The following KIF17 variants were observed in gnomAD, a reference collection of about 807,000 sequenced individuals.
KIF17 encodes kinesin family member 17.
Under a neutral mutation model 96.8 loss-of-function variants are expected in KIF17, and 80 were observed. That is an observed-to-expected ratio of 0.83 (90% CI 0.69 to 1.00). KIF17 has a LOEUF of 1.00. Ranked by LOEUF, KIF17 falls within the 50% of genes least tolerant of loss-of-function variation. The pLI is 0.00. For missense variants in KIF17, 1,280 were observed against 1,372.9 expected (o/e 0.93, Z 1.07); for synonymous variants, 567 against 587.5 (o/e 0.97, Z 0.51).
In KIF17 at chr1:20,684,867, C is replaced by A; in HGVS notation, c.2173G>T (p.Val725Leu). 2 of 1,598,198 alleles carry A rather than the reference C, an allele frequency of 1.3e-6. No homozygotes were observed. Among genetic ancestry groups the A allele is most frequent in the Non-Finnish European group, 1.7e-6 (2 of 1,172,570 alleles). ...GVKRESVGME[V>L]AVLTDDPLPV... The stretch of plus-strand genomic sequence containing the variant: ...AGCGGGTCATCAGTCAGCACTGCCA[C>A]CTCCATGCCCACGCTCTCCCTCTTC... Residue 725 changes from valine to leucine, a missense_variant, in exon 10 of 15, where the codon GTG becomes TTG. Physicochemically the swap from Val to Leu is conservative, Grantham distance 32. Transcript: ENST00000400463.
At chr1:20,684,003 G>A (rs750045468) in intron 10 of KIF17, among the ~76,000 whole-genome samples, 23 of 152,354 alleles carry the variant, frequency 1.5e-4, no homozygotes, top group Middle Eastern at 3.4e-3. Flanking sequence ...GGGCTGCCAC[G>A]CTGCAGGCAA....
Position 20,709,828 on chromosome 1 carries a change from G to C in KIF17, c.481C>G (p.Leu161Val), listed in dbSNP as rs1174242812. Reference protein sequence around the residue: ...LGADTKQKLELKEHPEKGVYV... With the variant: ...LGADTKQKLEVKEHPEKGVYV... ...ACGCCCTTCTCTGGGTGCTCCTTCAGCTGAGGGAGGAGGAACAGTCAGGGG... is the reference window on the plus strand; with the variant it reads ...ACGCCCTTCTCTGGGTGCTCCTTCACCTGAGGGAGGAGGAACAGTCAGGGG... Residue 161 changes from leucine (L) to valine (V), a missense_variant and splice_region_variant, in exon 4 of 15, where the codon CTG becomes GTG. By Grantham distance (32) the Leu-to-Val change is conservative. Transcript: ENST00000400463. The surrounding 1 kb of genome is among the most constrained non-coding windows in gnomAD (Gnocchi z 4.7). 1 of 1,604,932 alleles carries C rather than the reference G, an allele frequency of 6.2e-7. No homozygotes were observed. The highest frequency in any genetic ancestry group is 8.5e-7 in the Non-Finnish European group (1 of 1,175,730).
chr1:20,691,797 A>G (rs1018861372), intron 6 of KIF17, among the ~76,000 whole-genome samples: 3 of 152,154 alleles, frequency 2.0e-5, no homozygotes, highest in Non-Finnish European at 4.4e-5. Context: ...ACAGACGAAT[A>G]ATATATGCAT....
At chr1:20,707,095 C>T (rs1032340447) in intron 4 of KIF17, among the ~76,000 whole-genome samples, 1 of 151,944 alleles carries the variant, frequency 6.6e-6, no homozygotes, top group Non-Finnish European at 1.5e-5. Context: ...GACTCTGCCT[C>T]TCAAAAAAGG....
chr1:20,704,773 G>C lies in KIF17; in HGVS notation c.797C>G (p.Ser266Trp). The change falls in exon 5 of 15, where the codon TCG becomes TGG. Residue 266 changes from serine to tryptophan, a missense_variant. Physicochemically the swap from Ser to Trp is radical, Grantham distance 177. Transcript: ENST00000400463. This position sits in a 1 kb window ranked among gnomAD's most constrained non-coding sequence, Gnocchi z 6.8. Reference protein sequence around the residue: ...RLKEATKINLSLSALGNVISA... With the variant: ...RLKEATKINLWLSALGNVISA... Reference sequence around the variant, plus strand: ...GATGACATTGCCCAGTGCCGAGAGCGACAGGTTGATCTTGGTGGCCTCCTT... The same window carrying C: ...GATGACATTGCCCAGTGCCGAGAGCCACAGGTTGATCTTGGTGGCCTCCTT... 1.2e-6 allele frequency: 2 copies of C among 1,611,576 alleles called. No individual in the cohort carries two copies. The highest frequency in any genetic ancestry group is 1.7e-6 in the Non-Finnish European group (2 of 1,179,460).
At chr1:20,670,682 G>T (rs1313260329) in intron 12 of KIF17, among the ~76,000 whole-genome samples, 194 bp from the exon 13 acceptor site, 2 of 152,162 alleles carry the variant, frequency 1.3e-5, no homozygotes. Context: ...TCATCTGCTT[G>T]CAGGCAAGAC....
At chr1:20,692,760 GT>G (rs1215361960) in intron 6 of KIF17, 1 of 148,056 alleles carries the variant, frequency 6.8e-6, no homozygotes, top group Non-Finnish European at 1.5e-5. Flanking sequence ...TCCTGGGATG[GT>G]TTGTGGGACT....
At position 20,690,352 on chromosome 1, in the gene KIF17, G is replaced by GGCGCCC; in HGVS notation, c.1234-18_1234-17insGGGCGC. ...TTCATACTCCTGGGGGGGTGGGAGG[G>GGCGCCC]ACCAGAGGGCAGGCAGCATTTTATC... On this transcript the variant is annotated splice_polypyrimidine_tract_variant and intron_variant, in intron 6 of 14. Coordinates refer to ENST00000400463, the MANE Select transcript of KIF17 (RefSeq NM_001122819.3). 2.2e-6 allele frequency: 1 copy of GGCGCCC among 451,170 alleles called. No individual in the cohort carries two copies. Among genetic ancestry groups the GGCGCCC allele is most frequent in the South Asian group, 1.7e-5 (1 of 57,280 alleles). 27.9% of individuals were successfully genotyped at this position (451,170 alleles called of 1,614,324 possible).
chr1:20,703,098 T>C (rs951515030), intron 5 of KIF17, among the ~76,000 whole-genome samples: 5 of 151,574 alleles, frequency 3.3e-5, no homozygotes, highest in African/African-American at 4.8e-5. Context: ...GTGATTAGAA[T>C]GGGTGAATGG....
intron 11 of KIF17, among the ~76,000 whole-genome samples, chr1:20,678,026 C>T (rs2053768343): frequency 6.6e-6 from 1 of 152,132 alleles, no homozygotes; most frequent in Non-Finnish European, 1.5e-5. Context: ...TCTGTTTTTA[C>T]AATGCTCATA....
chr1:20,690,322 C>A lies in KIF17; in HGVS notation c.1247G>T (p.Arg416Leu), dbSNP rs148294907. 1 of 1,334,056 alleles carries A rather than the reference C, an allele frequency of 7.5e-7. No individual in the cohort carries two copies. The highest frequency in any genetic ancestry group is 2.1e-4 in the Middle Eastern group (1 of 4,714). The allele number at this position is 1,334,056 out of a possible 1,614,324, so 82.6% of individuals were successfully genotyped here. Residue 416 changes from arginine (R) to leucine (L), a missense_variant, in exon 7 of 15, where the codon CGC (arginine) becomes CTC (leucine). Physicochemically the swap from Arg to Leu is moderately radical, Grantham distance 102. Transcript: ENST00000400463. Reference sequence around the variant, plus strand: ...ATAGTCGGCTTTCAGCCGGGCCAGGCGCTCTTCATACTCCTGGGGGGGTGG... The same window carrying A: ...ATAGTCGGCTTTCAGCCGGGCCAGGAGCTCTTCATACTCCTGGGGGGGTGG... ...KQLIREEYEERLARLKADYKA... is the reference protein window; with the variant it reads ...KQLIREEYEELLARLKADYKA...
In KIF17 at chr1:20,672,302, A is replaced by G. The variant is rs367862158; in HGVS notation, c.2464-106T>C. 22 of 1,425,322 alleles carry G rather than the reference A, an allele frequency of 1.5e-5. No individual in the cohort carries two copies. The highest frequency in any genetic ancestry group is 7.3e-5 in the East Asian group (3 of 41,038). 88.3% of individuals were successfully genotyped at this position (1,425,322 alleles called of 1,614,324 possible). On this transcript the variant is annotated intron_variant, in intron 11 of 14. Transcript: ENST00000400463. This position sits in a 1 kb window ranked among gnomAD's most constrained non-coding sequence, Gnocchi z 4.3. ...GCCAGCAGCCACGCATCGTCTGTTC[A>G]TTGGCCTGATCAGCCATCCATTCTC...
At chr1:20,686,432 C>T (rs2053939742) in intron 8 of KIF17, 1 of 507,040 alleles carries the variant, frequency 2.0e-6, no homozygotes, top group African/African-American at 1.9e-5. Flanking sequence ...AAAGGTCACA[C>T]AACCAAGGAA....
In KIF17 at chr1:20,684,941, G is replaced by A. The variant is rs541953044; in HGVS notation, c.2099C>T (p.Pro700Leu). 203 of 1,602,248 alleles carry A rather than the reference G, an allele frequency of 1.3e-4. No individual in the cohort carries two copies. Among genetic ancestry groups the A allele is most frequent in the Non-Finnish European group, 1.5e-4 (182 of 1,174,912 alleles). The change falls in exon 10 of 15, where the codon CCG (proline) becomes CTG (leucine). Residue 700 changes from proline (P) to leucine (L), a missense_variant. Coordinates refer to ENST00000400463, the MANE Select transcript of KIF17 (RefSeq NM_001122819.3). ...CTCAGGCTGAGCCACCAGGGCCACC[G>A]GGGCCTGAGCCTCCAACCACACGCC... ...EPGVWLEAQA[P>L]VALVAQPEPL...
chr1:20,701,583 A>G (rs1022961003), intron 5 of KIF17, among the ~76,000 whole-genome samples: 1 of 152,222 alleles, frequency 6.6e-6, no homozygotes, highest in African/African-American at 2.4e-5. Context: ...AGCCTGGGAC[A>G]GCCCAGGGTT....
chr1:20,676,229 AAATT>A (rs1176087441), intron 11 of KIF17, among the ~76,000 whole-genome samples: 1 of 152,224 alleles, frequency 6.6e-6, no homozygotes, highest in Non-Finnish European at 1.5e-5. Context: ...CCATGATTGA[AAATT>A]AATATGCAAT....
At chr1:20,713,589 A>C in intron 2 of KIF17, 34 bp from the exon 3 acceptor site, 3 of 1,507,592 alleles carry the variant, frequency 2.0e-6, no homozygotes, top group Non-Finnish European at 2.7e-6. Context: ...CCTAGACCTC[A>C]GAGCTCGAAG....
chr1:20,685,375 T>C lies in KIF17; in HGVS notation c.2020-355A>G, dbSNP rs1487856916. 1 of 433,002 alleles carries C rather than the reference T, an allele frequency of 2.3e-6. No individual in the cohort carries two copies. Among genetic ancestry groups the C allele is most frequent in the Non-Finnish European group, 4.5e-6 (1 of 223,864 alleles). The allele number at this position is 433,002 out of a possible 1,614,324, so 26.8% of individuals were successfully genotyped here. A position where few individuals can be genotyped will look rare whatever the true frequency, so the allele number is the denominator to read the frequency against. On this transcript the variant is annotated intron_variant, in intron 9 of 14. Transcript: ENST00000400463. The surrounding 1 kb of genome is among the most constrained non-coding windows in gnomAD (Gnocchi z 4.1). ...TCGCAGGAAAGTCCACTTTCCTCCC[T>C]GCCGGCTCCCTGCCTCCACGGCCTC...
intron 5 of KIF17, 139 bp from the exon 6 acceptor site, chr1:20,698,627 T>C (rs1047349153): frequency 2.1e-5 from 13 of 624,576 alleles, no homozygotes; most frequent in African/African-American, 1.3e-4. Flanking sequence ...CACATCTCCA[T>C]GTAAAAGGCT....
Sources: gnomAD v4.1 joint callset for allele counts (sites outside exome capture counted in the v4.1 genomes callset) on GRCh38, gnomAD v4.1.1 for gene constraint, Gnocchi (gnomAD v3.1) non-coding constraint, MANE v1.5 for transcripts, NCBI Gene and HGNC (gene_info 2026-07-23, HGNC 2026-07-21) for gene names.